Variants in ASXL1 observed in about 807,000 individuals in gnomAD.
ASXL1 encodes the protein ASXL transcriptional regulator 1, also known as polycomb group protein ASXL1.
In ASXL1, 65 loss-of-function variants were observed where a neutral mutation model predicts 89.1. The observed-to-expected ratio is 0.73, with a 90% confidence interval of 0.60 to 0.90. The LOEUF (loss-of-function observed/expected upper bound fraction) is 0.90. Among genes scored for constraint, ASXL1 ranks in the 40% least tolerant of loss-of-function variants. ASXL1 has a pLI of 0.00. For synonymous variants in ASXL1, 739 were observed against 746.9 expected, an observed-to-expected ratio of 0.99 and a Z score of 0.17; for missense variants, 1,786 against 1,942.9, an observed-to-expected ratio of 0.92 and a Z score of 1.52.
At chr20:32,416,212 T>C (rs1055188872) in intron 4 of ASXL1, among the ~76,000 whole-genome samples, 2 of 152,240 alleles carry the variant, frequency 1.3e-5, no homozygotes, top group Non-Finnish European at 2.9e-5. Flanking sequence ...AAATATATAG[T>C]AAATTATTGT....
rs143833495 is a variant in ASXL1, at chr20:32,383,053, A to G, written c.252+13930A>G. ...AGTTGAGGTTAGAACCCAGGACCCA[A>G]TCTTTGATTTGATTTCTTTTCATTA... On this transcript the variant is annotated intron_variant, in intron 4 of 12. Coordinates refer to ENST00000375687, the MANE Select transcript of ASXL1 (RefSeq NM_015338.6). 7.4e-4 allele frequency among the ~76,000 whole-genome samples: 113 copies of G among 152,258 alleles called. 2 individuals carry two copies. In the East Asian group the frequency reaches 0.021, roughly 29 times the overall value.
rs1600455047 is a variant in ASXL1, at chr20:32,358,740, T to C, written c.-36T>C. The C allele has an allele frequency of 1.8e-6, 2 of 1,120,290 alleles. No individual in the cohort carries two copies. The highest frequency in any genetic ancestry group is 2.4e-6 in the Non-Finnish European group (2 of 827,688). 69.4% of individuals were successfully genotyped at this position (1,120,290 alleles called of 1,614,324 possible). Reference sequence around the variant, plus strand: ...CGCCCCAGCCCGCCCAGCCCGGAGGTCCCGCGTGGAGCTGCCGCCGCCGCC... The same window carrying C: ...CGCCCCAGCCCGCCCAGCCCGGAGGCCCCGCGTGGAGCTGCCGCCGCCGCC... On this transcript the variant is annotated 5_prime_UTR_variant, in exon 1 of 13. Coordinates refer to ENST00000375687, the MANE Select transcript of ASXL1 (RefSeq NM_015338.6).
chr20:32,409,979 G>A (rs1208050772), intron 4 of ASXL1, among the ~76,000 whole-genome samples: 1 of 151,970 alleles, frequency 6.6e-6, no homozygotes, highest in Non-Finnish European at 1.5e-5. Flanking sequence ...TCTCCAATAT[G>A]GATTTGTCTT....
chr20:32,395,954 A>T (rs192339104), intron 4 of ASXL1, among the ~76,000 whole-genome samples: 52 of 152,098 alleles, frequency 3.4e-4, no homozygotes, highest in Admixed American at 6.6e-4. Flanking sequence ...ATGCATCACC[A>T]TGTCTGGCTA....
intron 12 of ASXL1, 103 bp from the exon 13 acceptor site, chr20:32,434,329 G>A: frequency 7.3e-7 from 1 of 1,373,092 alleles, no homozygotes; most frequent in Non-Finnish European, 1.0e-6. Flanking sequence ...ATTTGATTCT[G>A]TATGCCATGA....
chr20:32,393,899 C>G (rs779570666), intron 4 of ASXL1, among the ~76,000 whole-genome samples: 107 of 151,918 alleles, frequency 7.0e-4, no homozygotes, highest in Non-Finnish European at 1.3e-3. Context: ...GGTGCAATCT[C>G]AACTCACTGT....
chr20:32,435,614 A>C lies in ASXL1; in HGVS notation c.2902A>C (p.Ser968Arg). 1 of 1,614,140 alleles carries C rather than the reference A, an allele frequency of 6.2e-7. No individual in the cohort carries two copies. Among genetic ancestry groups the C allele is most frequent in the Non-Finnish European group, 8.5e-7 (1 of 1,180,034 alleles). ...SLWTVPSRGG[S>R]DSNGSYCQQV... ...CTGGACTGTGCCATCTCGAGGAGGC[A>C]GTGACAGCAATGGCAGTTACTGTCA... The change falls in exon 13 of 13, where the codon AGT (serine) becomes CGT (arginine). Residue 968 changes from serine to arginine, a missense_variant. Physicochemically the swap from Ser to Arg is moderately radical, Grantham distance 110. Around this residue, in one of 3 missense-constraint regions of ASXL1, gnomAD observed 1,418 missense variants for 1,427.8 expected, o/e 0.99. Transcript: ENST00000375687.
intron 4 of ASXL1, among the ~76,000 whole-genome samples, chr20:32,413,836 C>T (rs960451981): frequency 6.6e-6 from 1 of 152,188 alleles, no homozygotes; most frequent in African/African-American, 2.4e-5. Flanking sequence ...TTTATTGTTA[C>T]TCCTTTAGTT....
chr20:32,398,606 T>TTTTTTGTTTGTTTG (rs2048811005), intron 4 of ASXL1, among the ~76,000 whole-genome samples: 2 of 147,838 alleles, frequency 1.4e-5, no homozygotes, highest in South Asian at 4.3e-4. Flanking sequence ...TTTGTTTGTT[T>TTTTTTGTTTGTTTG]TTTTTTTTGT....
At chr20:32,369,718 CT>C (rs386393629) in intron 4 of ASXL1, among the ~76,000 whole-genome samples, 24,202 of 92,374 alleles carry the variant, frequency 0.26, 2,183 homozygotes, top group Middle Eastern at 0.39. Flanking sequence ...GCAGATGTGC[CT>C]TTTTTTTTTT....
chr20:32,428,914 G>A (rs181576115), intron 6 of ASXL1: 56 of 318,746 alleles, frequency 1.8e-4, no homozygotes, highest in African/African-American at 1.1e-3. Context: ...GTCCACCTCA[G>A]CCTCCCAAAG....
At chr20:32,365,060 A>G (rs1309267224) in intron 1 of ASXL1, among the ~76,000 whole-genome samples, 1 of 152,208 alleles carries the variant, frequency 6.6e-6, no homozygotes, top group Non-Finnish European at 1.5e-5. Flanking sequence ...GAATACAGGA[A>G]GAAGAGTGGG....
At chr20:32,359,186 C>T in intron 1 of ASXL1, 2 of 693,574 alleles carry the variant, frequency 2.9e-6, no homozygotes, top group Non-Finnish European at 5.2e-6. Context: ...GTTCATTCAC[C>T]CGGGGGAGTT....
intron 4 of ASXL1, among the ~76,000 whole-genome samples, chr20:32,404,194 G>A (rs1289617262): frequency 1.3e-5 from 2 of 151,782 alleles, no homozygotes; most frequent in African/African-American, 2.4e-5. Context: ...CTCTGGTAAC[G>A]ATCATTTTAC....
intron 4 of ASXL1, among the ~76,000 whole-genome samples, chr20:32,406,522 G>A (rs767176103): frequency 6.6e-6 from 1 of 152,208 alleles, no homozygotes; most frequent in Non-Finnish European, 1.5e-5. Flanking sequence ...CTGCACTCCA[G>A]CCAGAGCTAC....
intron 4 of ASXL1, among the ~76,000 whole-genome samples, chr20:32,397,249 G>GTTTTTTTTT (rs1480616920): frequency 3.3e-5 from 1 of 29,928 alleles, no homozygotes; most frequent in Non-Finnish European, 6.7e-5. Flanking sequence ...ACCATGCCTG[G>GTTTTTTTTT]CTTTTTTTTT....
rs2012055985 is a variant in ASXL1 at position 32,438,555 on chromosome 20, G to A, written c.*1217G>A. The A allele has an allele frequency of 8.6e-6, 2 of 233,614 alleles. No individual in the cohort carries two copies. The highest frequency in any genetic ancestry group is 1.2e-4 in the East Asian group (2 of 16,572). The allele number at this position is 233,614 out of a possible 1,614,324, so 14.5% of individuals were successfully genotyped here. On this transcript the variant is annotated 3_prime_UTR_variant, in exon 13 of 13. Transcript: ENST00000375687. The stretch of plus-strand genomic sequence containing the variant: ...CAGCCTGCAGAGCCACAGTCAGCCT[G>A]CCCACATGCCACCGAGCAAACGCAT...
At chr20:32,403,798 T>C (rs962017195) in intron 4 of ASXL1, among the ~76,000 whole-genome samples, 5 of 152,188 alleles carry the variant, frequency 3.3e-5, no homozygotes, top group African/African-American at 7.2e-5. Context: ...ATTGGTTAGT[T>C]TGGGGAGAAG....
intron 1 of ASXL1, among the ~76,000 whole-genome samples, chr20:32,364,761 C>T (rs1318989423): frequency 6.6e-6 from 1 of 152,208 alleles, no homozygotes; most frequent in Non-Finnish European, 1.5e-5. Context: ...TGACCTCAGT[C>T]TATAACATGT....
Sources: allele counts gnomAD v4.1 joint callset (sites outside exome capture counted in the v4.1 genomes callset), GRCh38; gene constraint gnomAD v4.1.1; regional missense constraint gnomAD v4.1.1; transcripts MANE v1.5; gene names NCBI Gene and HGNC (gene_info 2026-07-23, HGNC 2026-07-21).